The following ERG variants were observed in gnomAD, a reference collection of about 807,000 sequenced individuals.
The protein encoded by ERG is transcriptional regulator ERG.
In ERG, 9 loss-of-function variants were observed where a neutral mutation model predicts 55.3. The ratio of observed to expected loss-of-function variants is 0.16; its 90% CI spans 0.10 to 0.28. ERG has a LOEUF of 0.28. ERG is among the 10% of genes least tolerant of loss of function. The pLI is 1.00. For missense variants in ERG, 434 were observed against 631.6 expected, an observed-to-expected ratio of 0.69 and a Z score of 3.35; for synonymous variants, 223 against 237.3, an observed-to-expected ratio of 0.94 and a Z score of 0.55.
At position 38,403,671 on chromosome 21, in the gene ERG, G is replaced by C; in HGVS notation, c.427C>G (p.Leu143Val). 1 of 1,614,178 alleles carries C rather than the reference G, an allele frequency of 6.2e-7. No homozygotes were observed. The stretch of plus-strand genomic sequence containing the variant: ...CCATATTCTTTCACCGCCCACTCCA[G>C]CCACTGCCGCACATGGTCTGTACTC... ...LWSTDHVRQW[L>V]EWAVKEYGLP... is the part of the protein sequence containing the mutation. The change falls in exon 4 of 10, where the codon CTG becomes GTG. Residue 143 changes from leucine to valine, a missense_variant. Coordinates refer to ENST00000288319, the MANE Select transcript of ERG (RefSeq NM_182918.4).
At chr21:38,503,127 T>G (rs1440634312), upstream of ERG, among the ~76,000 whole-genome samples, 1 of 152,194 alleles carries the variant, frequency 6.6e-6, no homozygotes, top group Non-Finnish European at 1.5e-5. Context: ...AAGCTTTTTG[T>G]TTTTTCCCCT....
intron 1 of ERG, among the ~76,000 whole-genome samples, chr21:38,642,418 G>C (rs1360045978): frequency 6.6e-6 from 1 of 152,054 alleles, no homozygotes; most frequent in Non-Finnish European, 1.5e-5. Context: ...TCACTTGTAA[G>C]TTTTAAACAT....
At chr21:38,503,511 A>G (rs1340764529) in intron 2 of ERG, among the ~76,000 whole-genome samples, 2 of 151,318 alleles carry the variant, frequency 1.3e-5, no homozygotes, top group Admixed American at 1.3e-4. Context: ...AGCCAGGATT[A>G]CAGGGCTCTA....
chr21:38,592,313 G>C (rs766277579), intron 1 of ERG, among the ~76,000 whole-genome samples: 1 of 152,236 alleles, frequency 6.6e-6, no homozygotes, highest in Non-Finnish European at 1.5e-5. Flanking sequence ...ATGGGCTCCA[G>C]AAGCCAAAGA....
chr21:38,644,474 G>C (rs2060444258), intron 1 of ERG, among the ~76,000 whole-genome samples: 1 of 152,072 alleles, frequency 6.6e-6, no homozygotes, highest in Non-Finnish European at 1.5e-5. Context: ...CCCAAACATT[G>C]CCTGCAGACA....
At chr21:38,455,015 C>T (rs2058974219) in intron 1 of ERG, among the ~76,000 whole-genome samples, 1 of 152,056 alleles carries the variant, frequency 6.6e-6, no homozygotes, top group African/African-American at 2.4e-5. Flanking sequence ...TGGTACACTC[C>T]CCAGCGTGCT....
intron 2 of ERG, among the ~76,000 whole-genome samples, chr21:38,506,271 C>T (rs1327973461): frequency 2.0e-5 from 3 of 152,084 alleles, no homozygotes; most frequent in East Asian, 1.9e-4. Context: ...GCATCAAATT[C>T]GGTAAATGTA....
At position 38,536,153 on chromosome 21, in the gene ERG, T is replaced by C. The variant is rs148465303; in HGVS notation, c.-41+39509A>G. 5.7e-3 allele frequency among the ~76,000 whole-genome samples: 871 copies of C among 152,178 alleles called. 7 individuals carry two copies. The highest frequency in any genetic ancestry group is 0.02 in the African/African-American group (826 of 41,518). On this transcript the variant is annotated intron_variant, in intron 2 of 8. Transcript: ENST00000398897. ...TCAGATTAAATATCTTGCTGGTAAG[T>C]TACCCCTAAAAATCGATTAATGGAC...
chr21:38,387,652 T>C (rs118119701), intron 9 of ERG, among the ~76,000 whole-genome samples: 4,660 of 152,272 alleles, frequency 0.031, 113 homozygotes, highest in Non-Finnish European at 0.043. Flanking sequence ...TAAGGAAAGA[T>C]AACACTCCTC....
Position 38,498,470 on chromosome 21 carries a change from G to T in ERG, c.-90C>A. 1 of 1,552,576 alleles carries T rather than the reference G, an allele frequency of 6.4e-7. No individual in the cohort carries two copies. The highest frequency in any genetic ancestry group is 1.2e-5 in the South Asian group (1 of 81,346). On this transcript the variant is annotated 5_prime_UTR_variant, in exon 1 of 10. Coordinates refer to ENST00000288319, the MANE Select transcript of ERG (RefSeq NM_182918.4). The surrounding 1 kb of genome is among the most constrained non-coding windows in gnomAD (Gnocchi z 4.6). ...AAAGTAGTTTTGATGAGGTTGTTTA[G>T]AGCGGATGAGATTGTGCTAAGTCTG...
Position 38,651,391 on chromosome 21 carries a change from C to T in ERG, c.-150+10267G>A, listed in dbSNP as rs375980595. On this transcript the variant is annotated intron_variant, in intron 1 of 10. Coordinates refer to the ERG transcript ENST00000398910. ...CTAAACATTCTAGACCTGCACTATT[C>T]GGCATGGTGGCCACTAGCCACATGT... 5.2e-4 allele frequency among the ~76,000 whole-genome samples: 79 copies of T among 152,300 alleles called. No homozygotes were observed. The East Asian group carries it at 0.014, about 28-fold the overall frequency.
chr21:38,491,228 C>T (rs959845862), intron 1 of ERG, among the ~76,000 whole-genome samples: 2 of 148,752 alleles, frequency 1.3e-5, no homozygotes, highest in African/African-American at 4.9e-5. Context: ...AAAAAAGACC[C>T]AATAAAACCC....
intron 2 of ERG, among the ~76,000 whole-genome samples, chr21:38,515,558 C>T (rs1295393347): frequency 6.6e-6 from 1 of 151,962 alleles, no homozygotes; most frequent in East Asian, 1.9e-4. Flanking sequence ...GAGAATTCTT[C>T]CTAATTCATT....
intron 1 of ERG, among the ~76,000 whole-genome samples, chr21:38,464,087 T>A (rs1370667077): frequency 6.6e-6 from 1 of 152,154 alleles, no homozygotes; most frequent in Non-Finnish European, 1.5e-5. Context: ...GTTTTTTTTT[T>A]ATGAAATAAT....
chr21:38,584,525 G>A (rs1351794561), intron 1 of ERG, among the ~76,000 whole-genome samples: 2 of 152,214 alleles, frequency 1.3e-5, no homozygotes, highest in African/African-American at 2.4e-5. Flanking sequence ...GGAAAAGGGA[G>A]AAGAGAGTAG....
intron 2 of ERG, among the ~76,000 whole-genome samples, chr21:38,522,039 C>T (rs931314454): frequency 6.6e-6 from 1 of 152,142 alleles, no homozygotes; most frequent in Non-Finnish European, 1.5e-5. Flanking sequence ...ACAATAACTA[C>T]AAGCTGTATC....
At chr21:38,640,357 G>A (rs564691249) in intron 1 of ERG, among the ~76,000 whole-genome samples, 3 of 152,216 alleles carry the variant, frequency 2.0e-5, no homozygotes, top group South Asian at 4.2e-4. Flanking sequence ...ATGGGGGAAG[G>A]GGGCATGAGC....
intron 1 of ERG, among the ~76,000 whole-genome samples, chr21:38,484,698 A>T (rs968912585): frequency 6.6e-6 from 1 of 152,236 alleles, no homozygotes; most frequent in Non-Finnish European, 1.5e-5. Flanking sequence ...CAGGAGTTGC[A>T]TAATGATGTT....
intron 2 of ERG, among the ~76,000 whole-genome samples, chr21:38,574,100 A>G (rs1195145116): frequency 6.6e-6 from 1 of 152,164 alleles, no homozygotes; most frequent in Non-Finnish European, 1.5e-5. Flanking sequence ...TAATAAAATG[A>G]ATTTCAGTTG....
Sources: gnomAD v4.1 joint callset for allele counts (sites outside exome capture counted in the v4.1 genomes callset) on GRCh38, gnomAD v4.1.1 for gene constraint, Gnocchi (gnomAD v3.1) non-coding constraint, MANE v1.5 for transcripts, NCBI Gene and HGNC (gene_info 2026-07-23, HGNC 2026-07-21) for gene names.